Variants in ITSN2 observed in about 807,000 individuals in gnomAD.
The protein encoded by ITSN2 is intersectin 2.
ITSN2 carries 156 observed loss-of-function variants against 243.7 expected under a neutral mutation model. The ratio of observed to expected loss-of-function variants is 0.64; its 90% CI spans 0.56 to 0.73. The LOEUF is 0.73. Among genes scored for constraint, ITSN2 ranks in the 30% least tolerant of loss-of-function variants. ITSN2 has a pLI of 0.00. For missense variants in ITSN2, 1,801 were observed against 1,996.1 expected (o/e 0.90, Z 1.86); for synonymous variants, 703 against 699.9 (o/e 1.00, Z -0.07).
chr2:24,274,674 C>T (rs1677803293), intron 18 of ITSN2, among the ~76,000 whole-genome samples: 2 of 152,112 alleles, frequency 1.3e-5, no homozygotes, highest in Admixed American at 6.5e-5. Flanking sequence ...CCAAAGTCTA[C>T]CAGCATCACA....
intron 37 of ITSN2, 74 bp from the exon 38 acceptor site, chr2:24,205,371 A>C: frequency 8.0e-7 from 1 of 1,250,446 alleles, no homozygotes; most frequent in Non-Finnish European, 1.2e-6. Context: ...ACCAACCATA[A>C]CACTACCGGC....
chr2:24,256,115 T>C (rs950996925), intron 23 of ITSN2, among the ~76,000 whole-genome samples: 1 of 152,112 alleles, frequency 6.6e-6, no homozygotes, highest in Non-Finnish European at 1.5e-5. Flanking sequence ...TCCCAGCTAC[T>C]TGGGAGGCTG....
chr2:24,306,965 C>A (rs191548211), intron 8 of ITSN2, among the ~76,000 whole-genome samples: 202 of 152,164 alleles, frequency 1.3e-3, no homozygotes, highest in African/African-American at 4.8e-3. Context: ...ACCACCATGC[C>A]CAGCTAATTT....
intron 30 of ITSN2, chr2:24,220,484 A>G: frequency 1.0e-6 from 1 of 994,652 alleles, no homozygotes. Flanking sequence ...GGGTTTTCCA[A>G]ACTGATACAA....
chr2:24,302,237 C>T lies in ITSN2; in HGVS notation c.858-135G>A, dbSNP rs148766007. ...TATTTGAGATGGAGTCTAGCTCTGT[C>T]GCTCAACCTGGAGTGCAGTGGCGCG... On this transcript the variant is annotated intron_variant, in intron 9 of 39. Coordinates refer to ENST00000355123, the MANE Select transcript of ITSN2 (RefSeq NM_006277.3). The T allele has an allele frequency of 2.1e-3, 884 of 421,836 alleles. 17 individuals are homozygous for T. The highest frequency in any genetic ancestry group is 5.5e-4 in the Non-Finnish European group (153 of 277,116). The allele number at this position is 421,836 out of a possible 1,614,324, so 26.1% of individuals were successfully genotyped here.
intron 22 of ITSN2, among the ~76,000 whole-genome samples, chr2:24,260,192 A>G (rs372943479): frequency 6.6e-5 from 10 of 152,168 alleles, no homozygotes; most frequent in African/African-American, 1.9e-4. Context: ...AAGAGCTGGG[A>G]TTATAGGCAC....
rs541376331 is a variant in ITSN2 at position 24,216,142 on chromosome 2, C to T, written c.3897G>A (p.Gln1299=). 1.9e-6 allele frequency: 3 copies of T among 1,613,176 alleles called. No homozygotes were observed. The highest frequency in any genetic ancestry group is 2.2e-5 in the East Asian group (1 of 44,732). ...DILAAELSHM[Q]AYIRFCSCQL... ...GGCAGCTGCAGAACCTGATGTAAGC[C>T]TGCATGTGGGACAGCTCAGCGGCCA... is the stretch of plus-strand genomic sequence containing the variant. The change falls in exon 32 of 40, where the codon CAG becomes CAA. Residue 1299 remains glutamine, a synonymous_variant. Transcript: ENST00000355123.
chr2:24,245,435 A>C (rs1251771162), intron 29 of ITSN2, among the ~76,000 whole-genome samples: 2 of 152,198 alleles, frequency 1.3e-5, no homozygotes, highest in Admixed American at 1.3e-4. Flanking sequence ...CTGTACACTA[A>C]AAGAGTAATT....
intron 17 of ITSN2, among the ~76,000 whole-genome samples, chr2:24,279,508 T>C (rs1021041863): frequency 2.6e-5 from 4 of 152,190 alleles, no homozygotes; most frequent in Admixed American, 1.3e-4. Context: ...TTACAAAGCA[T>C]TTCCATCTAT....
intron 14 of ITSN2, among the ~76,000 whole-genome samples, chr2:24,295,309 C>T (rs914517699): frequency 1.3e-5 from 2 of 151,982 alleles, no homozygotes; most frequent in Admixed American, 6.6e-5. Flanking sequence ...AGAACTGTTT[C>T]GTTTTGTTTT....
At chr2:24,222,690 T>G (rs1312541697) in intron 29 of ITSN2, among the ~76,000 whole-genome samples, 1 of 145,132 alleles carries the variant, frequency 6.9e-6, no homozygotes, top group African/African-American at 2.6e-5. Context: ...TTTTTTTTTT[T>G]TGGAGACAGA....
At chr2:24,248,480 G>T in intron 27 of ITSN2, 149 bp downstream of exon 27, 1 of 560,988 alleles carries the variant, frequency 1.8e-6, no homozygotes, top group Non-Finnish European at 3.0e-6. Flanking sequence ...AGAGACTAAA[G>T]GAAATATAAT....
intron 1 of ITSN2, among the ~76,000 whole-genome samples, chr2:24,339,961 G>A (rs998021207): frequency 8.6e-5 from 13 of 151,978 alleles, no homozygotes; most frequent in African/African-American, 3.1e-4. Context: ...ATTTGAGCCC[G>A]GGAGTTCAAG....
intron 29 of ITSN2, among the ~76,000 whole-genome samples, chr2:24,222,668 CTTTTTTTTTTT>C (rs56149622): frequency 2.6e-5 from 2 of 77,266 alleles, no homozygotes; most frequent in African/African-American, 5.4e-5. Flanking sequence ...TTTTTCTTTT[CTTTTTTTTTTT>C]TTTTTTTTTT....
At position 24,298,206 on chromosome 2, in the gene ITSN2, C is replaced by T. The variant is rs569801546; in HGVS notation, c.1494+459G>A. Among the ~76,000 whole-genome samples the T allele has an allele frequency of 4.0e-5, 6 of 151,268 alleles. No homozygotes were observed. In the East Asian group the frequency reaches 1.2e-3, roughly 30 times the overall value. On this transcript the variant is annotated intron_variant, in intron 13 of 39. Transcript: ENST00000355123. ...GGAGTCTCACTCTGTTGCCCAGGCT[C>T]GAGTGCAGTGGCGCGATCTCAGCTC...
At chr2:24,342,140 T>G (rs1157782601) in intron 1 of ITSN2, among the ~76,000 whole-genome samples, 1 of 152,072 alleles carries the variant, frequency 6.6e-6, no homozygotes, top group East Asian at 1.9e-4. Context: ...TACATAAGTT[T>G]AGAAGCAGAA....
At chr2:24,233,816 G>A (rs1671855958) in intron 29 of ITSN2, among the ~76,000 whole-genome samples, 1 of 152,130 alleles carries the variant, frequency 6.6e-6, no homozygotes, top group South Asian at 2.1e-4. Flanking sequence ...AGGAATCAAA[G>A]CAATCCTCCC....
intron 1 of ITSN2, among the ~76,000 whole-genome samples, chr2:24,357,965 AGTGCAGTG>A (rs1285394165): frequency 1.3e-5 from 2 of 152,066 alleles, no homozygotes; most frequent in Non-Finnish European, 2.9e-5. Context: ...CCTAGGCTGG[AGTGCAGTG>A]GTGCGATCTC....
intron 31 of ITSN2, among the ~76,000 whole-genome samples, chr2:24,217,048 C>T (rs11125502): frequency 0.77 from 114,645 of 148,092 alleles, 44,686 homozygotes; most frequent in East Asian, 0.84. Context: ...CGCGCCACTG[C>T]ACTCTAGCCT....
Sources: gnomAD v4.1 joint callset for allele counts (sites outside exome capture counted in the v4.1 genomes callset) on GRCh38, gnomAD v4.1.1 for gene constraint, MANE v1.5 for transcripts, NCBI Gene and HGNC (gene_info 2026-07-23, HGNC 2026-07-21) for gene names.